ICA1: variants seen among roughly 807,000 people sequenced by gnomAD.
ICA1 encodes 69 kDa islet cell autoantigen.
ICA1 carries 40 observed loss-of-function variants against 71.0 expected under a neutral mutation model. The observed-to-expected ratio is 0.56, with a 90% CI of 0.44 to 0.73. The LOEUF is 0.73. ICA1 is among the 30% of genes least tolerant of loss of function. The probability of loss-of-function intolerance (pLI) is 0.00; values close to 1 mark genes in which losing one functional copy is unlikely to be tolerated. For synonymous variants in ICA1, 207 were observed against 209.5 expected, an observed-to-expected ratio of 0.99 and a Z score of 0.10; for missense variants, 578 against 576.5, an observed-to-expected ratio of 1.00 and a Z score of -0.03.
chr7:8,148,334 A>G lies in ICA1; in HGVS notation c.805-4362T>C, dbSNP rs573161332. On this transcript the variant is annotated intron_variant, in intron 8 of 13. Coordinates refer to ENST00000402384, the MANE Select transcript of ICA1 (RefSeq NM_001136020.3). ...TCACCAACGCTTATTCCTTAATTTA[A>G]CCCACTACTGTTCTGACTCCCTGTC... 1.4e-4 allele frequency among the ~76,000 whole-genome samples: 21 copies of G among 152,116 alleles called. No individual in the cohort carries two copies. The East Asian group carries it at 4.1e-3, about 29-fold the overall frequency.
intron 1 of ICA1, among the ~76,000 whole-genome samples, chr7:8,247,465 AG>A (rs1229745618): frequency 6.6e-6 from 1 of 151,798 alleles, no homozygotes; most frequent in Non-Finnish European, 1.5e-5. Flanking sequence ...GTATCAAAAA[AG>A]AAAAGAAAAA....
chr7:8,155,749 G>T (rs1801263253), intron 8 of ICA1, among the ~76,000 whole-genome samples: 1 of 152,130 alleles, frequency 6.6e-6, no homozygotes, highest in African/African-American at 2.4e-5. Context: ...TATAAGAATT[G>T]TGAATAGTGT....
At chr7:8,190,813 C>T (rs747009094) in intron 6 of ICA1, among the ~76,000 whole-genome samples, 3 of 152,160 alleles carry the variant, frequency 2.0e-5, no homozygotes, top group Non-Finnish European at 2.9e-5. Context: ...GCAAAGTTCA[C>T]GGTTACATGT....
At chr7:8,145,461 G>C (rs554522230) in intron 8 of ICA1, among the ~76,000 whole-genome samples, 24 of 152,104 alleles carry the variant, frequency 1.6e-4, no homozygotes, top group Admixed American at 9.2e-4. Flanking sequence ...TCAAAGTCCA[G>C]ATCAATTACC....
rs1181726067 is a variant in ICA1 at position 8,226,336 on chromosome 7, C to T, written c.256+2265G>A. Among the ~76,000 whole-genome samples, 2 of 151,690 alleles carry T rather than the reference C, an allele frequency of 1.3e-5. No individual in the cohort carries two copies. The highest frequency in any genetic ancestry group is 4.9e-5 in the African/African-American group (2 of 41,034). ...TTCCTTTGCACAATGAGCAGGCTTG[C>T]TCTCTAGATATAGATATAGATATAG... is the stretch of plus-strand genomic sequence containing the variant. On this transcript the variant is annotated intron_variant, in intron 4 of 13. Transcript: ENST00000402384. This position sits in a 1 kb window ranked among gnomAD's most constrained non-coding sequence, Gnocchi z 4.4.
At chr7:8,179,565 T>C (rs1203276624) in intron 6 of ICA1, among the ~76,000 whole-genome samples, 1 of 152,212 alleles carries the variant, frequency 6.6e-6, no homozygotes, top group Admixed American at 6.5e-5. Flanking sequence ...GGTTTTGCGG[T>C]GTTGCTAAAT....
rs1218666507 is a variant in ICA1, at chr7:8,123,845, A to G, written c.1330+4028T>C. Among the ~76,000 whole-genome samples the G allele has an allele frequency of 1.3e-5, 2 of 152,212 alleles. No individual in the cohort carries two copies. Among genetic ancestry groups the G allele is most frequent in the Non-Finnish European group, 2.9e-5 (2 of 68,046 alleles). On this transcript the variant is annotated intron_variant, in intron 13 of 13. Coordinates refer to ENST00000402384, the MANE Select transcript of ICA1 (RefSeq NM_001136020.3). This position sits in a 1 kb window ranked among gnomAD's most constrained non-coding sequence, Gnocchi z 4.1. ...GCCAGAGAAGGGAATGGTGAAAGGC[A>G]TGGATTCTGGAGTCCGGCTGCCTGG...
intron 6 of ICA1, among the ~76,000 whole-genome samples, chr7:8,167,778 A>C (rs756921974): frequency 6.6e-6 from 1 of 152,198 alleles, no homozygotes; most frequent in Non-Finnish European, 1.5e-5. Context: ...AAGTTGAATT[A>C]ATCATAATGC....
intron 4 of ICA1, among the ~76,000 whole-genome samples, chr7:8,227,373 G>A (rs1409877199): frequency 2.0e-5 from 3 of 152,116 alleles, no homozygotes; most frequent in African/African-American, 7.2e-5. Flanking sequence ...GAGAGAGGAA[G>A]GAGAATCTGC....
chr7:8,233,158 C>T (rs1413558712), intron 2 of ICA1, among the ~76,000 whole-genome samples: 3 of 152,202 alleles, frequency 2.0e-5, no homozygotes, highest in Non-Finnish European at 4.4e-5. Flanking sequence ...CTACAGCCAA[C>T]ACTGAGGTGA....
intron 6 of ICA1, among the ~76,000 whole-genome samples, chr7:8,174,755 C>CA (rs1218712832): frequency 1.1e-4 from 9 of 83,458 alleles, no homozygotes; most frequent in Non-Finnish European, 1.6e-4. Context: ...GACTGTATCT[C>CA]AAAAAAAAAA....
At position 8,128,695 on chromosome 7, in the gene ICA1, T is replaced by A. The variant is rs16872626; in HGVS notation, c.1061-553A>T. Among the ~76,000 whole-genome samples the A allele has an allele frequency of 2.6e-5, 4 of 152,242 alleles. No homozygotes were observed. The East Asian group carries it at 5.8e-4, about 22-fold the overall frequency. On this transcript the variant is annotated intron_variant, in intron 12 of 13. Transcript: ENST00000402384. ...AGGCATCCTTACTTCCTTCCCACTT[T>A]GCTGAAACTCCATTGCATGAAGCAA...
chr7:8,210,470 G>A (rs768089654), intron 6 of ICA1, among the ~76,000 whole-genome samples: 71 of 152,134 alleles, frequency 4.7e-4, no homozygotes, highest in Non-Finnish European at 8.2e-4. Flanking sequence ...TTCTCACCAC[G>A]AAGTCGAACT....
chr7:8,168,001 A>AG (rs1491266711), intron 6 of ICA1, among the ~76,000 whole-genome samples: 2 of 145,770 alleles, frequency 1.4e-5, no homozygotes, highest in Admixed American at 1.4e-4. Flanking sequence ...AAAGAAAAAC[A>AG]GGGGGGAGAG....
At chr7:8,151,250 G>T (rs556693892) in intron 8 of ICA1, among the ~76,000 whole-genome samples, 105 of 152,314 alleles carry the variant, frequency 6.9e-4, no homozygotes, top group African/African-American at 2.5e-3. Flanking sequence ...TGAGAGAGGT[G>T]GGGGATGGAG....
At chr7:8,153,165 C>T (rs191359087) in intron 8 of ICA1, among the ~76,000 whole-genome samples, 3 of 152,314 alleles carry the variant, frequency 2.0e-5, no homozygotes, top group African/African-American at 7.2e-5. Flanking sequence ...AGAGATTGTG[C>T]TTTTATATAC....
At chr7:8,153,895 T>A (rs1041777617) in intron 8 of ICA1, among the ~76,000 whole-genome samples, 4 of 149,588 alleles carry the variant, frequency 2.7e-5, no homozygotes, top group Non-Finnish European at 5.9e-5. Flanking sequence ...ATGTTTGTTG[T>A]GTGAAAATAC....
chr7:8,160,942 G>T (rs867457017), intron 6 of ICA1, among the ~76,000 whole-genome samples: 1 of 152,324 alleles, frequency 6.6e-6, no homozygotes, highest in South Asian at 2.1e-4. Flanking sequence ...AATCGGGGGA[G>T]TCTGGAGGGG....
At chr7:8,178,776 T>C (rs930220707) in intron 6 of ICA1, among the ~76,000 whole-genome samples, 1 of 152,168 alleles carries the variant, frequency 6.6e-6, no homozygotes, top group African/African-American at 2.4e-5. Context: ...CTGGAAAATG[T>C]GGATCCTGGG....
Sources: gnomAD v4.1 joint callset for allele counts (sites outside exome capture counted in the v4.1 genomes callset) on GRCh38, gnomAD v4.1.1 for gene constraint, Gnocchi (gnomAD v3.1) non-coding constraint, MANE v1.5 for transcripts, NCBI Gene and HGNC (gene_info 2026-07-23, HGNC 2026-07-21) for gene names.